DYM: variants seen among roughly 807,000 people sequenced by gnomAD.
DYM encodes the protein dymeclin.
DYM carries 78 observed loss-of-function variants against 93.1 expected under a neutral mutation model. That is an observed-to-expected ratio of 0.84 (90% CI 0.70 to 1.01). DYM has a LOEUF of 1.01. Among genes scored for constraint, DYM ranks in the 50% least tolerant of loss-of-function variants. DYM has a pLI of 0.00. For missense variants in DYM, 789 were observed against 845.0 expected, an observed-to-expected ratio of 0.93 and a Z score of 0.82; for synonymous variants, 321 against 319.7, an observed-to-expected ratio of 1.00 and a Z score of -0.04.
At chr18:49,092,696 T>G (rs938723132) in intron 17 of DYM, among the ~76,000 whole-genome samples, 5 of 152,108 alleles carry the variant, frequency 3.3e-5, no homozygotes, top group African/African-American at 1.2e-4. Context: ...ATATCGGTGA[T>G]GATGATGATG....
chr18:49,130,282 AG>A (rs1042308294), intron 15 of DYM, among the ~76,000 whole-genome samples: 84 of 152,340 alleles, frequency 5.5e-4, no homozygotes, highest in African/African-American at 2.0e-3. Context: ...AAGAGCTGCT[AG>A]GGGAATCTGA....
intron 17 of DYM, among the ~76,000 whole-genome samples, chr18:49,083,157 A>G (rs149500061): frequency 1.3e-5 from 2 of 152,220 alleles, no homozygotes; most frequent in Admixed American, 6.5e-5. Flanking sequence ...CAATACATAA[A>G]TAAGTGGGTG....
At chr18:49,237,333 C>G (rs189039158) in intron 13 of DYM, among the ~76,000 whole-genome samples, 1 of 152,098 alleles carries the variant, frequency 6.6e-6, no homozygotes, top group East Asian at 1.9e-4. Context: ...GCAATATTCA[C>G]TGGATAAATT....
At chr18:49,351,067 G>A (rs2065078992) in intron 6 of DYM, among the ~76,000 whole-genome samples, 1 of 152,168 alleles carries the variant, frequency 6.6e-6, no homozygotes, top group Admixed American at 6.5e-5. Flanking sequence ...GTTGAGATAA[G>A]AGAGGTTAAA....
chr18:49,136,938 T>C (rs1356597616), intron 15 of DYM, among the ~76,000 whole-genome samples: 1 of 152,182 alleles, frequency 6.6e-6, no homozygotes, highest in Non-Finnish European at 1.5e-5. Context: ...AAAGACATTT[T>C]ATGGTAATGA....
At chr18:49,187,448 T>A (rs1339612358) in intron 14 of DYM, among the ~76,000 whole-genome samples, 1 of 152,218 alleles carries the variant, frequency 6.6e-6, no homozygotes. Context: ...AGTGAGCTAG[T>A]ATAATGAGCT....
intron 17 of DYM, among the ~76,000 whole-genome samples, chr18:49,056,983 T>C (rs2075550692): frequency 6.6e-6 from 1 of 152,226 alleles, no homozygotes; most frequent in Non-Finnish European, 1.5e-5. Context: ...GTATGAGCCA[T>C]GGCCTGGGCC....
intron 17 of DYM, among the ~76,000 whole-genome samples, chr18:49,082,435 C>T (rs1459591226): frequency 8.5e-5 from 13 of 152,238 alleles, no homozygotes; most frequent in Admixed American, 7.2e-4. Flanking sequence ...AACTTAATTC[C>T]CAAGCCAACT....
At chr18:49,075,455 A>G (rs2077224596) in intron 17 of DYM, among the ~76,000 whole-genome samples, 2 of 152,186 alleles carry the variant, frequency 1.3e-5, no homozygotes, top group African/African-American at 2.4e-5. Context: ...AGGGTCACTC[A>G]GGAATCTTTA....
chr18:49,083,701 A>G (rs945811938), intron 17 of DYM, among the ~76,000 whole-genome samples: 2 of 152,156 alleles, frequency 1.3e-5, no homozygotes, highest in African/African-American at 2.4e-5. Flanking sequence ...TCAGTTTTTA[A>G]TATTTCTTTT....
At chr18:49,370,065 T>A (rs959616218) in intron 5 of DYM, among the ~76,000 whole-genome samples, 2 of 151,976 alleles carry the variant, frequency 1.3e-5, no homozygotes, top group Non-Finnish European at 2.9e-5. Flanking sequence ...CCACTTGAGG[T>A]CGGGAGTTCA....
chr18:49,067,292 AC>A (rs2076508418), intron 17 of DYM, among the ~76,000 whole-genome samples: 5 of 9,752 alleles, frequency 5.1e-4, no homozygotes, highest in African/African-American at 7.5e-4. Flanking sequence ...TGATGTGAGC[AC>A]TATGGAGGTT....
chr18:49,460,179 A>G (rs1469375858), intron 1 of DYM, among the ~76,000 whole-genome samples: 1 of 151,954 alleles, frequency 6.6e-6, no homozygotes, highest in Non-Finnish European at 1.5e-5. Context: ...GTATCCCCCA[A>G]CTCCCAACAG....
chr18:49,345,606 G>A (rs1375402576), intron 6 of DYM, among the ~76,000 whole-genome samples: 1 of 152,026 alleles, frequency 6.6e-6, no homozygotes, highest in Admixed American at 6.6e-5. Context: ...ACAACAAAGA[G>A]GCCAGTAGGG....
At chr18:49,406,171 ACTT>A (rs2071474784) in intron 2 of DYM, among the ~76,000 whole-genome samples, 2 of 152,100 alleles carry the variant, frequency 1.3e-5, no homozygotes, top group Non-Finnish European at 1.5e-5. Context: ...AGATGGTTTG[ACTT>A]CTTCTTTTCC....
intron 11 of DYM, among the ~76,000 whole-genome samples, chr18:49,271,888 T>C (rs1367632771): frequency 6.6e-6 from 1 of 150,672 alleles, no homozygotes; most frequent in Non-Finnish European, 1.5e-5. Context: ...TCTGCCACAA[T>C]GAAAAAGTGG....
At position 49,349,123 on chromosome 18, in the gene DYM, G is replaced by A. The variant is rs533543881; in HGVS notation, c.494+14038C>T. Among the ~76,000 whole-genome samples the A allele has an allele frequency of 2.2e-4, 33 of 151,762 alleles. No homozygotes were observed. In the East Asian group the frequency reaches 5.4e-3, roughly 25 times the overall value. ...CTGGTGAGGCTGAGGCATGAGAATC[G>A]CTTGAACCTGGGAGGCGGAGGTTGC... On this transcript the variant is annotated intron_variant, in intron 6 of 17. Transcript: ENST00000675505.
intron 14 of DYM, among the ~76,000 whole-genome samples, chr18:49,202,123 T>C (rs1435617627): frequency 6.6e-6 from 1 of 152,210 alleles, no homozygotes; most frequent in Admixed American, 6.5e-5. Context: ...ACCACGCACG[T>C]TGGGTAGTCC....
intron 17 of DYM, among the ~76,000 whole-genome samples, chr18:49,074,831 G>A (rs1257703725): frequency 6.6e-6 from 1 of 152,188 alleles, no homozygotes; most frequent in Non-Finnish European, 1.5e-5. Flanking sequence ...GAACTAAAAT[G>A]TTTTTCTGTT....
Sources: gnomAD v4.1 joint callset for allele counts (sites outside exome capture counted in the v4.1 genomes callset) on GRCh38, gnomAD v4.1.1 for gene constraint, MANE v1.5 for transcripts, NCBI Gene and HGNC (gene_info 2026-07-23, HGNC 2026-07-21) for gene names.